Variants in ABLIM3 observed in about 807,000 individuals in gnomAD.
The protein encoded by ABLIM3 is actin-binding LIM protein 3.
In ABLIM3, 61 loss-of-function variants were observed where a neutral mutation model predicts 109.5. That is an observed-to-expected ratio of 0.56 (90% CI 0.45 to 0.69). The LOEUF (loss-of-function observed/expected upper bound fraction) is 0.69, where lower values mean the gene tolerates loss of function less well. Among genes scored for constraint, ABLIM3 ranks in the 30% least tolerant of loss-of-function variants. ABLIM3 has a pLI of 0.00. For missense variants in ABLIM3, 796 were observed against 889.5 expected (o/e 0.89, Z 1.34); for synonymous variants, 300 against 324.8 (o/e 0.92, Z 0.82).
chr5:149,202,122 T>C (rs1030604840), intron 5 of ABLIM3, among the ~76,000 whole-genome samples: 1 of 152,228 alleles, frequency 6.6e-6, no homozygotes, highest in Non-Finnish European at 1.5e-5. Context: ...TCGGTTGTTA[T>C]TTCCCCTAGT....
chr5:149,196,479 G>A (rs1244870686), intron 3 of ABLIM3, among the ~76,000 whole-genome samples: 3 of 152,180 alleles, frequency 2.0e-5, no homozygotes, highest in South Asian at 2.1e-4. Flanking sequence ...TAGAAAGCCC[G>A]AATACCTGTT....
intron 2 of ABLIM3, among the ~76,000 whole-genome samples, chr5:149,151,129 G>A (rs1225736317): frequency 1.3e-5 from 2 of 152,206 alleles, no homozygotes; most frequent in Non-Finnish European, 2.9e-5. Context: ...GAAGGTGTTA[G>A]CAGGGTTCCT....
intron 11 of ABLIM3, among the ~76,000 whole-genome samples, chr5:149,238,884 T>C (rs1752501800): frequency 6.8e-6 from 1 of 146,520 alleles, no homozygotes; most frequent in Admixed American, 6.8e-5. Context: ...TGTAGAGGGG[T>C]CATGAACCAG....
chr5:149,145,257 C>T (rs11743174), intron 2 of ABLIM3, among the ~76,000 whole-genome samples: 101,885 of 151,958 alleles, frequency 0.67, 34,472 homozygotes, highest in Non-Finnish European at 0.73. Context: ...GTTTTATGTT[C>T]CTGAATTAAT....
chr5:149,199,173 A>C (rs1035918735), intron 4 of ABLIM3: 30 of 455,144 alleles, frequency 6.6e-5, no homozygotes, highest in Admixed American at 4.7e-5. Flanking sequence ...GAGATGAAAA[A>C]ATGAAGAAAG....
intron 2 of ABLIM3, among the ~76,000 whole-genome samples, chr5:149,150,646 C>T (rs139429050): frequency 1.5e-3 from 233 of 152,324 alleles, no homozygotes; most frequent in African/African-American, 5.2e-3. Context: ...CTGTGGTGAA[C>T]GGTCAACAAC....
rs76634335 is a variant in ABLIM3 at position 149,217,464 on chromosome 5, A to C, written c.757+418A>C. ...CCTTCTCCCCACATCTCAGAGCATC[A>C]TGCCAGGCTGCTGCTCAGGGCTTCC... is the stretch of plus-strand genomic sequence containing the variant. On this transcript the variant is annotated intron_variant, in intron 8 of 23. Transcript: ENST00000309868. 6.5e-3 allele frequency: 1,162 copies of C among 177,478 alleles called. 28 individuals are homozygous for C. In the East Asian group the frequency reaches 0.084, roughly 13 times the overall value. The allele number at this position is 177,478 out of a possible 1,614,324, so 11.0% of individuals were successfully genotyped here. A position where few individuals can be genotyped will look rare whatever the true frequency, so the allele number is the denominator to read the frequency against.
chr5:149,185,739 T>C (rs1756892035), intron 3 of ABLIM3, among the ~76,000 whole-genome samples: 2 of 152,250 alleles, frequency 1.3e-5, no homozygotes, highest in Admixed American at 1.3e-4. Context: ...CCCTATTAGA[T>C]AGCTTTCTCA....
rs140014859 is a variant in ABLIM3 at position 149,169,643 on chromosome 5, A to C, written c.14-13809A>C. On this transcript the variant is annotated intron_variant, in intron 2 of 23. Transcript: ENST00000309868. ...AGAGTAAACAAAAATTGGTTCCTCC[A>C]GTAAAGAGAGAGTCTGTTCACAGAA... Among the ~76,000 whole-genome samples, 86 of 152,322 alleles carry C rather than the reference A, an allele frequency of 5.6e-4. 1 individual carries two copies. Among genetic ancestry groups the C allele is most frequent in the Non-Finnish European group, 1.0e-3 (70 of 68,022 alleles).
intron 11 of ABLIM3, among the ~76,000 whole-genome samples, chr5:149,238,044 C>G (rs188421317): frequency 4.6e-5 from 7 of 152,262 alleles, no homozygotes; most frequent in Non-Finnish European, 8.8e-5. Flanking sequence ...TTTATAATCC[C>G]TGATTATAAC....
chr5:149,162,620 TTTCA>T (rs2127448949), intron 2 of ABLIM3, among the ~76,000 whole-genome samples: 1 of 152,288 alleles, frequency 6.6e-6, no homozygotes, highest in East Asian at 1.9e-4. Flanking sequence ...AGACCCACAA[TTTCA>T]CCTTTCAGTT....
chr5:149,223,254 C>T (rs1760842207), intron 8 of ABLIM3, among the ~76,000 whole-genome samples: 1 of 152,156 alleles, frequency 6.6e-6, no homozygotes, highest in Non-Finnish European at 1.5e-5. Flanking sequence ...ACCACAGACT[C>T]ATGCCGATGT....
chr5:149,258,468 C>A lies in ABLIM3; in HGVS notation c.*64C>A. 1 of 1,527,552 alleles carries A rather than the reference C, an allele frequency of 6.5e-7. No individual in the cohort carries two copies. The highest frequency in any genetic ancestry group is 2.0e-5 in the Admixed American group (1 of 50,584). 94.6% of individuals were successfully genotyped at this position (1,527,552 alleles called of 1,614,324 possible). A position where few individuals can be genotyped will look rare whatever the true frequency, so the allele number is the denominator to read the frequency against. Reference sequence around the variant, plus strand: ...TATATGTAAAATCTCTCTACTGAAGCTCGGTATAATCCTCTCTTGTGTAAT... The same window carrying A: ...TATATGTAAAATCTCTCTACTGAAGATCGGTATAATCCTCTCTTGTGTAAT... On this transcript the variant is annotated 3_prime_UTR_variant, in exon 24 of 24. Transcript: ENST00000309868.
Position 149,142,026 on chromosome 5 carries a change from A to G in ABLIM3, c.-70A>G. On this transcript the variant is annotated 5_prime_UTR_variant, in exon 2 of 24. Transcript: ENST00000309868. ...CCCCCCAGGTGATGAGTGAGGTTCG[A>G]AGAACGGAAGATTTAAAAAGCAGCC... is the stretch of plus-strand genomic sequence containing the variant. 6.2e-7 allele frequency: 1 copy of G among 1,613,434 alleles called. No homozygotes were observed. The highest frequency in any genetic ancestry group is 8.5e-7 in the Non-Finnish European group (1 of 1,179,362).
intron 2 of ABLIM3, among the ~76,000 whole-genome samples, chr5:149,173,355 C>T (rs1444731327): frequency 6.6e-6 from 1 of 152,236 alleles, no homozygotes; most frequent in African/African-American, 2.4e-5. Flanking sequence ...GTGCTTGCAA[C>T]GGCTTCAGGA....
intron 19 of ABLIM3, 24 bp downstream of exon 19, chr5:149,249,868 C>G: frequency 6.2e-7 from 1 of 1,614,102 alleles, no homozygotes; most frequent in Non-Finnish European, 8.5e-7. Flanking sequence ...GCCCTACCTT[C>G]AGCCCATCAT....
chr5:149,197,714 A>C (rs533034900), intron 3 of ABLIM3, among the ~76,000 whole-genome samples: 1 of 152,278 alleles, frequency 6.6e-6, no homozygotes, highest in South Asian at 2.1e-4. Flanking sequence ...AGTACCCAGG[A>C]AATGTTTAAC....
intron 2 of ABLIM3, among the ~76,000 whole-genome samples, chr5:149,172,395 A>G (rs1049398616): frequency 6.6e-6 from 1 of 152,130 alleles, no homozygotes; most frequent in African/African-American, 2.4e-5. Context: ...TGGTCAAAAA[A>G]CGTTTGAAAA....
At chr5:149,214,000 C>T (rs994668911) in intron 7 of ABLIM3, among the ~76,000 whole-genome samples, 1 of 152,164 alleles carries the variant, frequency 6.6e-6, no homozygotes, top group African/African-American at 2.4e-5. Flanking sequence ...ACCCACAGCT[C>T]TCAGCCACTT....
Sources: gnomAD v4.1 joint callset for allele counts (sites outside exome capture counted in the v4.1 genomes callset) on GRCh38, gnomAD v4.1.1 for gene constraint, MANE v1.5 for transcripts, NCBI Gene and HGNC (gene_info 2026-07-23, HGNC 2026-07-21) for gene names.